The following USP42 variants were observed in gnomAD, a reference collection of about 807,000 sequenced individuals.
USP42 encodes the protein ubiquitin specific peptidase 42, also known as ubiquitin carboxyl-terminal hydrolase 42.
Under a neutral mutation model 113.0 loss-of-function variants are expected in USP42, and 23 were observed. The ratio of observed to expected loss-of-function variants is 0.20; its 90% CI spans 0.15 to 0.29. The LOEUF is 0.29. USP42 is among the 10% of genes least tolerant of loss of function. The pLI is 1.00. For synonymous variants in USP42, 933 were observed against 699.0 expected (o/e 1.33, Z -5.28); for missense variants, 2,174 against 1,779.8 (o/e 1.22, Z -3.99).
chr7:6,104,582 G>C (rs984018955), upstream of USP42, among the ~76,000 whole-genome samples: 1 of 152,216 alleles, frequency 6.6e-6, no homozygotes, highest in African/African-American at 2.4e-5. Context: ...GCAGGACGAG[G>C]CGAAAGCCCA....
At chr7:6,105,456 C>T (rs1393198216) in intron 1 of USP42, among the ~76,000 whole-genome samples, 4 of 148,828 alleles carry the variant, frequency 2.7e-5, no homozygotes, top group Non-Finnish European at 6.0e-5. Context: ...CGGAGTCCGG[C>T]GTCCCCGGCC....
At chr7:6,116,892 G>C in intron 3 of USP42, 1 of 524,540 alleles carries the variant, frequency 1.9e-6, no homozygotes, top group Non-Finnish European at 3.9e-6. Context: ...TGGACAGCAA[G>C]AGAGAGGACC....
chr7:6,121,350 TGA>T (rs1780215930), intron 3 of USP42, among the ~76,000 whole-genome samples: 2 of 152,200 alleles, frequency 1.3e-5, no homozygotes, highest in African/African-American at 4.8e-5. Context: ...ATTCCTGAGA[TGA>T]CTCACACTTG....
At chr7:6,090,498 T>C in the USP42 span, among the ~76,000 whole-genome samples, 2 of 146,490 alleles carry the variant, frequency 1.4e-5, no homozygotes, top group East Asian at 1.9e-4. Context: ...GTGGATCAAC[T>C]GAGGTCAGGA....
At chr7:6,147,991 C>T (rs1781819843) in intron 12 of USP42, 99 bp downstream of exon 12, 4 of 1,230,538 alleles carry the variant, frequency 3.3e-6, no homozygotes, top group Non-Finnish European at 4.5e-6. Flanking sequence ...TCCTCAAATA[C>T]ATCTGAATTT....
Position 6,157,068 on chromosome 7 carries a change from A to G in USP42, c.3943+13A>G, listed in dbSNP as rs1383442438. On this transcript the variant is annotated intron_variant, in intron 16 of 17. Transcript: ENST00000306177. This position sits in a 1 kb window ranked among gnomAD's most constrained non-coding sequence, Gnocchi z 4.1. ...GAGTATGGCCAGGGTAAGAGGAGAT[A>G]CTTGGAATTAGGAAGATAGAAACTA... The G allele has an allele frequency of 1.3e-6, 2 of 1,566,778 alleles. No homozygotes were observed. The highest frequency in any genetic ancestry group is 2.4e-5 in the South Asian group (2 of 84,378).
chr7:6,155,909 C>G (rs962118454), intron 15 of USP42, among the ~76,000 whole-genome samples: 1 of 152,138 alleles, frequency 6.6e-6, no homozygotes, highest in Admixed American at 6.5e-5. Context: ...CAGGCGTGTG[C>G]TACCATCCTC....
intron 1 of USP42, among the ~76,000 whole-genome samples, chr7:6,106,511 C>A (rs552235255): frequency 1.4e-4 from 21 of 152,228 alleles, no homozygotes; most frequent in African/African-American, 5.1e-4. Context: ...GTATTTAAAG[C>A]AAAGGAAACA....
intron 3 of USP42, among the ~76,000 whole-genome samples, chr7:6,131,378 T>TG (rs1397696070): frequency 1.4e-4 from 21 of 151,188 alleles, no homozygotes; most frequent in Admixed American, 1.4e-3. Context: ...GAGAGACGGG[T>TG]GGGGAGATCA....
the USP42 span, among the ~76,000 whole-genome samples, chr7:6,091,999 C>CTTCTTCTTCTTCTTCTTCTT: frequency 1.4e-5 from 1 of 71,762 alleles, no homozygotes; most frequent in Non-Finnish European, 3.4e-5. Flanking sequence ...TCTTCTTCTT[C>CTTCTTCTTCTTCTTCTTCTT]TTCTTCTTCT....
chr7:6,097,302 T>C, the USP42 span, among the ~76,000 whole-genome samples: 1 of 150,892 alleles, frequency 6.6e-6, no homozygotes, highest in African/African-American at 2.5e-5. Flanking sequence ...CATTTTAGCA[T>C]GTCCTCTTCC....
the USP42 span, among the ~76,000 whole-genome samples, chr7:6,099,211 C>CTTTT: frequency 7.9e-4 from 78 of 98,778 alleles, no homozygotes; most frequent in Middle Eastern, 5.8e-3. Flanking sequence ...TGTTCCCTCT[C>CTTTT]TTTTTTTTTT....
chr7:6,088,446 C>T, the USP42 span, among the ~76,000 whole-genome samples: 1 of 151,056 alleles, frequency 6.6e-6, no homozygotes, highest in African/African-American at 2.5e-5. Flanking sequence ...TTAGTAGAGA[C>T]GGGGTTTCAC....
chr7:6,132,381 TGA>T (rs1432166778), intron 3 of USP42, among the ~76,000 whole-genome samples: 1 of 152,050 alleles, frequency 6.6e-6, no homozygotes. Flanking sequence ...TTTTTGAGAC[TGA>T]GTTTCACTCC....
chr7:6,113,349 T>C (rs1335970728), intron 2 of USP42, among the ~76,000 whole-genome samples: 2 of 152,156 alleles, frequency 1.3e-5, no homozygotes, highest in Non-Finnish European at 1.5e-5. Context: ...AGCAGGACTT[T>C]CCCACAGGAC....
intron 2 of USP42, among the ~76,000 whole-genome samples, chr7:6,112,900 C>CTT (rs34002709): frequency 0.016 from 1,653 of 102,694 alleles, 55 homozygotes; most frequent in African/African-American, 0.022. Flanking sequence ...TAGTAAGTTT[C>CTT]TTTTTTTTTT....
intron 3 of USP42, among the ~76,000 whole-genome samples, chr7:6,118,093 T>G (rs535306417): frequency 6.6e-6 from 1 of 152,108 alleles, no homozygotes; most frequent in Non-Finnish European, 1.5e-5. Flanking sequence ...CGTTGTGCTG[T>G]AGGTGTTTTA....
At chr7:6,093,446 C>T in the USP42 span, among the ~76,000 whole-genome samples, 5 of 150,492 alleles carry the variant, frequency 3.3e-5, no homozygotes, top group South Asian at 2.1e-4. Context: ...CCACCATGCT[C>T]GGGTAACTTT....
At chr7:6,135,756 G>T (rs192175665) in intron 3 of USP42, 85 bp from the exon 4 acceptor site, 2 of 581,382 alleles carry the variant, frequency 3.4e-6, no homozygotes, top group East Asian at 3.3e-5. Context: ...TTCATTTCAG[G>T]TGTGTGCCCC....
Sources: allele counts gnomAD v4.1 joint callset (sites outside exome capture counted in the v4.1 genomes callset), GRCh38; gene constraint gnomAD v4.1.1; non-coding constraint Gnocchi (gnomAD v3.1); transcripts MANE v1.5; gene names NCBI Gene and HGNC (gene_info 2026-07-23, HGNC 2026-07-21).